ITCH: variants seen among roughly 807,000 people sequenced by gnomAD.
ITCH encodes the protein E3 ubiquitin-protein ligase Itchy homolog.
Under a neutral mutation model 126.8 loss-of-function variants are expected in ITCH, and 28 were observed. The ratio of observed to expected loss-of-function variants is 0.22; its 90% confidence interval spans 0.16 to 0.30. The LOEUF (loss-of-function observed/expected upper bound fraction) is 0.30, where lower values mean the gene tolerates loss of function less well. Ranked by LOEUF, ITCH falls within the 10% of genes least tolerant of loss-of-function variation. The pLI is 1.00. For synonymous variants in ITCH, 342 were observed against 340.0 expected (o/e 1.01, Z -0.06); for missense variants, 631 against 1,032.4 (o/e 0.61, Z 5.33).
rs190440778 is a variant in ITCH at position 34,439,841 on chromosome 20, A to G, written c.680-314A>G. 2.8e-4 allele frequency among the ~76,000 whole-genome samples: 43 copies of G among 152,362 alleles called. No individual in the cohort carries two copies. The East Asian group carries it at 5.4e-3, about 19-fold the overall frequency. ...TGGAAAATTAATAAATGAACTTAAA[A>G]TACCAAGGAATATTAATAATTTCCT... On this transcript the variant is annotated intron_variant, in intron 8 of 24. Transcript: ENST00000374864.
rs1224747259 is a variant in ITCH, at chr20:34,510,363, G to T, written c.*2569G>T. On this transcript the variant is annotated 3_prime_UTR_variant, in exon 25 of 25. Transcript: ENST00000374864. Reference sequence around the variant, plus strand: ...GATTTATTGTAAGTATTTACTTAGAGCTTTTTCTTAAATCTGAACTAACTT... The same window carrying T: ...GATTTATTGTAAGTATTTACTTAGATCTTTTTCTTAAATCTGAACTAACTT... The T allele has an allele frequency of 6.6e-6, 1 of 150,870 alleles. No individual in the cohort carries two copies. Among genetic ancestry groups the T allele is most frequent in the East Asian group, 1.9e-4 (1 of 5,156 alleles). 9.3% of individuals were successfully genotyped at this position (150,870 alleles called of 1,614,324 possible).
chr20:34,428,021 T>TA (rs1306091015), intron 7 of ITCH, among the ~76,000 whole-genome samples: 1 of 152,234 alleles, frequency 6.6e-6, no homozygotes, highest in Non-Finnish European at 1.5e-5. Flanking sequence ...ATCATTGTCA[T>TA]AAATAATTTG....
At chr20:34,402,113 A>G (rs1201490113) in intron 3 of ITCH, 3 of 866,862 alleles carry the variant, frequency 3.5e-6, no homozygotes, top group African/African-American at 3.4e-5. Context: ...TGATGCCAAC[A>G]CCAGCTATGC....
At chr20:34,400,646 C>CTTT (rs760416482) in intron 3 of ITCH, among the ~76,000 whole-genome samples, 43,967 of 119,694 alleles carry the variant, frequency 0.37, 8,551 homozygotes, top group East Asian at 0.56. Flanking sequence ...AAAAATTTTT[C>CTTT]TTTTTTTTTT....
intron 4 of ITCH, among the ~76,000 whole-genome samples, chr20:34,410,182 A>G (rs1978796967): frequency 6.6e-6 from 1 of 152,122 alleles, no homozygotes; most frequent in Non-Finnish European, 1.5e-5. Context: ...AGCCTGACCA[A>G]CGTGGTGAAA....
chr20:34,490,052 A>G, intron 22 of ITCH, 126 bp downstream of exon 22: 1 of 702,318 alleles, frequency 1.4e-6, no homozygotes, highest in Non-Finnish European at 2.6e-6. Context: ...TCCATGCATT[A>G]TAATAAATGA....
intron 2 of ITCH, among the ~76,000 whole-genome samples, chr20:34,377,352 C>T (rs1368030214): frequency 2.6e-5 from 4 of 152,002 alleles, no homozygotes; most frequent in Admixed American, 1.3e-4. Flanking sequence ...CCAGCCTGGG[C>T]GACAGAGCGA....
chr20:34,414,457 CTTTTTT>C (rs770240058), intron 6 of ITCH, among the ~76,000 whole-genome samples: 6 of 70,824 alleles, frequency 8.5e-5, no homozygotes, highest in Non-Finnish European at 1.5e-4. Flanking sequence ...ACTTTAAATC[CTTTTTT>C]TTTTTTTTTT....
chr20:34,417,087 C>T (rs556566423), intron 6 of ITCH: 1 of 622,260 alleles, frequency 1.6e-6, no homozygotes, highest in Non-Finnish European at 3.0e-6. Context: ...TTTTAATTTG[C>T]TATTTAGGTA....
chr20:34,470,169 C>T (rs1987481052), intron 15 of ITCH, 49 bp downstream of exon 15: 1 of 1,339,150 alleles, frequency 7.5e-7, no homozygotes, highest in Non-Finnish European at 1.1e-6. Context: ...TGTTGTGTTG[C>T]TTTATATTAC....
chr20:34,445,347 A>G lies in ITCH; in HGVS notation c.1026A>G (p.Thr342=), dbSNP rs745637048. Residue 342 remains threonine (T), a synonymous_variant, in exon 11 of 25, where the codon ACA becomes ACG. Coordinates refer to ENST00000374864, the MANE Select transcript of ITCH (RefSeq NM_031483.7). ...RIYYVDHFTR[T]TTWQRPTLES... is the part of the protein sequence containing the mutation. ...ATTATGTTGACCATTTCACAAGAAC[A>G]ACAACGTGGCAGAGGCCAACACTGG... The G allele has an allele frequency of 6.2e-7, 1 of 1,613,640 alleles. No individual in the cohort carries two copies. The highest frequency in any genetic ancestry group is 8.5e-7 in the Non-Finnish European group (1 of 1,180,008).
chr20:34,381,079 C>T lies in ITCH; in HGVS notation c.-22+11609C>T, dbSNP rs144512233. On this transcript the variant is annotated intron_variant, in intron 2 of 24. Coordinates refer to ENST00000374864, the MANE Select transcript of ITCH (RefSeq NM_031483.7). ...CTGGGATTACCGGTGTGAGCCACTG[C>T]GCCTGTTTGAAATTTCAACTCTTTA... 7.9e-3 allele frequency among the ~76,000 whole-genome samples: 1,206 copies of T among 152,168 alleles called. 15 individuals are homozygous for T. The highest frequency in any genetic ancestry group is 0.028 in the African/African-American group (1,148 of 41,556).
intron 2 of ITCH, among the ~76,000 whole-genome samples, chr20:34,379,109 A>G (rs572495225): frequency 6.6e-6 from 1 of 152,196 alleles, no homozygotes; most frequent in African/African-American, 2.4e-5. Context: ...TGTTGCTTAC[A>G]TCTCTCTACT....
chr20:34,507,935 A>G lies in ITCH; in HGVS notation c.*141A>G. The G allele has an allele frequency of 1.5e-6, 1 of 680,426 alleles. No homozygotes were observed. The highest frequency in any genetic ancestry group is 2.8e-5 in the East Asian group (1 of 35,288). The allele number at this position is 680,426 out of a possible 1,614,324, so 42.1% of individuals were successfully genotyped here. On this transcript the variant is annotated 3_prime_UTR_variant, in exon 25 of 25. Coordinates refer to ENST00000374864, the MANE Select transcript of ITCH (RefSeq NM_031483.7). ...TAAGTAAATTAATGTTCTCATTTAG[A>G]TTTATCTCCCAGTGATTTCTACTCA...
intron 20 of ITCH, among the ~76,000 whole-genome samples, chr20:34,484,253 T>C (rs1988958486): frequency 6.6e-6 from 1 of 152,198 alleles, no homozygotes; most frequent in Non-Finnish European, 1.5e-5. Flanking sequence ...AGCTAATAGT[T>C]CATTCATACC....
intron 17 of ITCH, among the ~76,000 whole-genome samples, chr20:34,479,120 C>G (rs902425751): frequency 2.6e-5 from 4 of 152,120 alleles, no homozygotes; most frequent in Non-Finnish European, 5.9e-5. Context: ...TTTACTGCCT[C>G]TGTGAAATTG....
At chr20:34,421,904 A>T (rs755037306) in intron 6 of ITCH, among the ~76,000 whole-genome samples, 2 of 152,100 alleles carry the variant, frequency 1.3e-5, no homozygotes, top group Non-Finnish European at 2.9e-5. Context: ...GCATCCTCCC[A>T]CTTTGGGAGG....
chr20:34,396,314 G>A (rs576613406), intron 3 of ITCH, among the ~76,000 whole-genome samples: 2 of 152,132 alleles, frequency 1.3e-5, no homozygotes, highest in East Asian at 1.9e-4. Flanking sequence ...GATTACAGGC[G>A]TGAGCCACTG....
chr20:34,482,567 C>G (rs1988828559), intron 20 of ITCH, among the ~76,000 whole-genome samples: 1 of 152,178 alleles, frequency 6.6e-6, no homozygotes, highest in African/African-American at 2.4e-5. Context: ...TGCAAGTCAC[C>G]CTGATGTAAG....
Sources: gnomAD v4.1 joint callset for allele counts (sites outside exome capture counted in the v4.1 genomes callset) on GRCh38, gnomAD v4.1.1 for gene constraint, MANE v1.5 for transcripts, NCBI Gene and HGNC (gene_info 2026-07-23, HGNC 2026-07-21) for gene names.